Variants in TIGAR observed in about 807,000 individuals in gnomAD.
TIGAR encodes the protein TP53 induced glycolysis regulatory phosphatase, also known as fructose-2,6-bisphosphatase TIGAR.
In TIGAR, 7 loss-of-function variants were observed where a neutral mutation model predicts 17.9. The observed-to-expected ratio is 0.39, with a 90% confidence interval of 0.22 to 0.73. The LOEUF (loss-of-function observed/expected upper bound fraction) is 0.73, where lower values mean the gene tolerates loss of function less well. Ranked by LOEUF, TIGAR falls within the 30% of genes least tolerant of loss-of-function variation. The probability of loss-of-function intolerance (pLI) is 0.42; values close to 1 mark genes in which losing one functional copy is unlikely to be tolerated. For synonymous variants in TIGAR, 94 were observed against 108.6 expected (o/e 0.87, Z 0.84); for missense variants, 258 against 327.4 (o/e 0.79, Z 1.64).
rs1476320859 is a variant in TIGAR, at chr12:4,353,611, C to T, written c.*920C>T. On this transcript the variant is annotated 3_prime_UTR_variant, in exon 6 of 6. Coordinates refer to ENST00000179259, the MANE Select transcript of TIGAR (RefSeq NM_020375.3). ...CAGCACTTTGGGAGGCTGAGGCGGG[C>T]GGATCACAAGGTCAGGAATTCTAGA... The T allele has an allele frequency of 1.6e-4, 24 of 152,042 alleles. No homozygotes were observed. Among genetic ancestry groups the T allele is most frequent in the East Asian group, 5.8e-4 (3 of 5,188 alleles). The allele number at this position is 152,042 out of a possible 1,614,324, so 9.4% of individuals were successfully genotyped here.
chr12:4,354,872 C>T lies in TIGAR; in HGVS notation c.*2181C>T, dbSNP rs953745957. ...TCAGCCTCCTGAGTAGCTGGGACTA[C>T]AGGCATGCACCACCACGCCTGGCCT... On this transcript the variant is annotated 3_prime_UTR_variant, in exon 6 of 6. Coordinates refer to ENST00000179259, the MANE Select transcript of TIGAR (RefSeq NM_020375.3). 6.7e-6 allele frequency among the ~76,000 whole-genome samples: 1 copy of T among 150,000 alleles called. No individual in the cohort carries two copies. Among genetic ancestry groups the T allele is most frequent in the Non-Finnish European group, 1.5e-5 (1 of 67,748 alleles).
At chr12:4,337,597 A>G (rs963349781) in intron 3 of TIGAR, among the ~76,000 whole-genome samples, 5 of 152,196 alleles carry the variant, frequency 3.3e-5, no homozygotes, top group Admixed American at 3.3e-4. Context: ...GAACTTATTT[A>G]TTTTAATTTT....
At chr12:4,341,339 G>A (rs780271709) in intron 3 of TIGAR, among the ~76,000 whole-genome samples, 19 of 152,172 alleles carry the variant, frequency 1.2e-4, no homozygotes, top group African/African-American at 3.9e-4. Context: ...CAGCGTGAGC[G>A]ACGCAGAAGA....
Position 4,351,358 on chromosome 12 carries a change from G to A in TIGAR, c.362G>A (p.Gly121Glu), listed in dbSNP as rs912966250. The A allele has an allele frequency of 1.2e-6, 2 of 1,614,028 alleles. No homozygotes were observed. Among genetic ancestry groups the A allele is most frequent in the South Asian group, 1.1e-5 (1 of 91,086 alleles). ...GAGTGCCCTGTGTTTACACCGCCCGGAGGAGAGACGCTGGACCAGGTATGT... is the reference window on the plus strand; with the variant it reads ...GAGTGCCCTGTGTTTACACCGCCCGAAGGAGAGACGCTGGACCAGGTATGT... ...REECPVFTPP[G>E]GETLDQVKMR... Residue 121 changes from glycine (G) to glutamate (E), a missense_variant, in exon 5 of 6, where the codon GGA becomes GAA. Coordinates refer to ENST00000179259, the MANE Select transcript of TIGAR (RefSeq NM_020375.3).
In TIGAR at chr12:4,337,043, A is replaced by G; in HGVS notation, c.75A>G (p.Gln25=). Residue 25 remains glutamine (Q), a synonymous_variant, in exon 3 of 6, where the codon CAA becomes CAG. Coordinates refer to ENST00000179259, the MANE Select transcript of TIGAR (RefSeq NM_020375.3). ...CCTCTTCTTAATATATCACAGGACA[A>G]GGAGTAGATGAACCTCTTTCAGAAA... is the stretch of plus-strand genomic sequence containing the variant. ...RFNKEKIIQG[Q]GVDEPLSETG... The G allele has an allele frequency of 1.2e-6, 2 of 1,606,810 alleles. No individual in the cohort carries two copies. Among genetic ancestry groups the G allele is most frequent in the Non-Finnish European group, 1.7e-6 (2 of 1,173,788 alleles).
chr12:4,321,252 C>A lies in TIGAR; in HGVS notation c.-20C>A, dbSNP rs1264950893. ...GGGCAGCGCGGCGCGGGGCCACCGA[C>A]GGGACGCGGCTCCGGGAACATGGCT... On this transcript the variant is annotated 5_prime_UTR_variant, in exon 1 of 6. Coordinates refer to ENST00000179259, the MANE Select transcript of TIGAR (RefSeq NM_020375.3). This position sits in a 1 kb window ranked among gnomAD's most constrained non-coding sequence, Gnocchi z 5.2. The A allele has an allele frequency of 1.4e-5, 22 of 1,600,322 alleles. No individual in the cohort carries two copies. The highest frequency in any genetic ancestry group is 1.8e-5 in the Non-Finnish European group (21 of 1,179,766).
At chr12:4,350,905 G>A (rs1864831607) in intron 4 of TIGAR, among the ~76,000 whole-genome samples, 2 of 152,168 alleles carry the variant, frequency 1.3e-5, no homozygotes, top group South Asian at 4.1e-4. Context: ...ATCAAATGGT[G>A]TAGTATGTGT....
chr12:4,351,874 A>G (rs988764381), intron 5 of TIGAR, among the ~76,000 whole-genome samples: 1 of 152,158 alleles, frequency 6.6e-6, no homozygotes, highest in Non-Finnish European at 1.5e-5. Context: ...CCATTACTTT[A>G]GTAAGGGAAG....
Position 4,354,766 on chromosome 12 carries a change from CTG to C in TIGAR, c.*2077_*2078del, listed in dbSNP as rs1864879719. Among the ~76,000 whole-genome samples the C allele has an allele frequency of 7.0e-6, 1 of 142,960 alleles. No individual in the cohort carries two copies. The highest frequency in any genetic ancestry group is 1.5e-5 in the Non-Finnish European group (1 of 66,456). The allele number at this position is 142,960 out of a possible 152,430, so 93.8% of individuals were successfully genotyped here. A position where few individuals can be genotyped will look rare whatever the true frequency, so the allele number is the denominator to read the frequency against. ...TTTTTTTTGGAGACAGAGTCTCTCTCTGTTGCCCAGGCTGGGGTGCAATGGCG... is the reference window on the plus strand; with the variant it reads ...TTTTTTTTGGAGACAGAGTCTCTCTCTTGCCCAGGCTGGGGTGCAATGGCG... On this transcript the variant is annotated 3_prime_UTR_variant, in exon 6 of 6. Coordinates refer to ENST00000179259, the MANE Select transcript of TIGAR (RefSeq NM_020375.3).
At position 4,321,989 on chromosome 12, in the gene TIGAR, T is replaced by A. The variant is rs914373527; in HGVS notation, c.32+686T>A. Among the ~76,000 whole-genome samples the A allele has an allele frequency of 2.6e-5, 3 of 115,122 alleles. No individual in the cohort carries two copies. Among genetic ancestry groups the A allele is most frequent in the Middle Eastern group, 3.8e-3 (1 of 262 alleles). The allele number at this position is 115,122 out of a possible 152,430, so 75.5% of individuals were successfully genotyped here. A position where few individuals can be genotyped will look rare whatever the true frequency, so the allele number is the denominator to read the frequency against. ...ATCAGGGTAGTTAAGAGCACAGATT[T>A]TTATTTTTATTTTTTTTTTTTTGTG... On this transcript the variant is annotated intron_variant, in intron 1 of 5. Transcript: ENST00000179259. The surrounding 1 kb of genome is among the most constrained non-coding windows in gnomAD (Gnocchi z 5.2).
At chr12:4,344,986 C>T (rs1233033123) in intron 3 of TIGAR, among the ~76,000 whole-genome samples, 2 of 152,092 alleles carry the variant, frequency 1.3e-5, no homozygotes, top group Non-Finnish European at 2.9e-5. Flanking sequence ...ACAGCCAAAT[C>T]ATGAGTGAAC....
rs191539309 is a variant in TIGAR at position 4,328,698 on chromosome 12, T to C, written c.33-2582T>C. Reference sequence around the variant, plus strand: ...TTCAAGCGATTCTTCTGCCTCAGCCTCCCGAGTAGCTGGGACTACAGGCAC... The same window carrying C: ...TTCAAGCGATTCTTCTGCCTCAGCCCCCCGAGTAGCTGGGACTACAGGCAC... On this transcript the variant is annotated intron_variant, in intron 1 of 5. Coordinates refer to ENST00000179259, the MANE Select transcript of TIGAR (RefSeq NM_020375.3). Among the ~76,000 whole-genome samples, 305 of 151,820 alleles carry C rather than the reference T, an allele frequency of 2.0e-3. 1 individual carries two copies. Among genetic ancestry groups the C allele is most frequent in the African/African-American group, 6.9e-3 (284 of 41,368 alleles).
intron 1 of TIGAR, among the ~76,000 whole-genome samples, chr12:4,326,718 C>T (rs1864550338): frequency 6.6e-6 from 1 of 152,138 alleles, no homozygotes; most frequent in Non-Finnish European, 1.5e-5. Flanking sequence ...TATAAAATGA[C>T]ATTTTGACAG....
At chr12:4,329,559 G>T (rs895524681) in intron 1 of TIGAR, among the ~76,000 whole-genome samples, 3 of 151,874 alleles carry the variant, frequency 2.0e-5, no homozygotes, top group Non-Finnish European at 4.4e-5. Context: ...TGCTGGGCTT[G>T]AACTCCTGAC....
At position 4,346,969 on chromosome 12, in the gene TIGAR, C is replaced by T. The variant is rs7963030; in HGVS notation, c.193-2850C>T. On this transcript the variant is annotated intron_variant, in intron 3 of 5. Coordinates refer to ENST00000179259, the MANE Select transcript of TIGAR (RefSeq NM_020375.3). ...TGGTGGGAATGTGAATTAGTACAAC[C>T]ACTGTGAAGAATTGTTTGGAGGGAG... 1.4e-3 allele frequency among the ~76,000 whole-genome samples: 211 copies of T among 152,210 alleles called. 1 individual carries two copies. Among genetic ancestry groups the T allele is most frequent in the African/African-American group, 4.5e-3 (186 of 41,538 alleles).
intron 3 of TIGAR, among the ~76,000 whole-genome samples, chr12:4,338,167 A>G (rs1010169572): frequency 1.3e-5 from 2 of 152,108 alleles, no homozygotes; most frequent in African/African-American, 2.4e-5. Flanking sequence ...AACCCAGTCT[A>G]CTTCTAAAAA....
intron 3 of TIGAR, among the ~76,000 whole-genome samples, chr12:4,344,641 T>C (rs1224102736): frequency 6.6e-6 from 1 of 152,234 alleles, no homozygotes; most frequent in African/African-American, 2.4e-5. Context: ...ATTATCTCAA[T>C]AGATGCAGAA....
Position 4,351,377 on chromosome 12 carries a change from G to A in TIGAR, c.381G>A (p.Gln127=). 1 of 1,613,022 alleles carries A rather than the reference G, an allele frequency of 6.2e-7. No homozygotes were observed. The highest frequency in any genetic ancestry group is 8.5e-7 in the Non-Finnish European group (1 of 1,179,150). Reference sequence around the variant, plus strand: ...CGCCCGGAGGAGAGACGCTGGACCAGGTATGTGGCGCTGCCGATGTCAGAA... The same window carrying A: ...CGCCCGGAGGAGAGACGCTGGACCAAGTATGTGGCGCTGCCGATGTCAGAA... ...FTPPGGETLD[Q]VKMRGIDFFE... Residue 127 remains glutamine (Q), a splice_region_variant and synonymous_variant, in exon 5 of 6, where the codon CAG becomes CAA. Transcript: ENST00000179259.
chr12:4,339,584 CA>C (rs1479953858), intron 3 of TIGAR, among the ~76,000 whole-genome samples: 4 of 152,130 alleles, frequency 2.6e-5, no homozygotes, highest in Non-Finnish European at 5.9e-5. Context: ...ACCAGACAGA[CA>C]CATTAAAAGA....
Sources: allele counts gnomAD v4.1 joint callset (sites outside exome capture counted in the v4.1 genomes callset), GRCh38; gene constraint gnomAD v4.1.1; non-coding constraint Gnocchi (gnomAD v3.1); transcripts MANE v1.5; gene names NCBI Gene and HGNC (gene_info 2026-07-23, HGNC 2026-07-21).